The following PRSS38 variants were observed in gnomAD, a reference collection of about 807,000 sequenced individuals.
PRSS38 encodes serine protease 38, also known as marapsin 2.
In PRSS38, 22 loss-of-function variants were observed where a neutral mutation model predicts 26.8. The ratio of observed to expected loss-of-function variants is 0.82; its 90% CI spans 0.59 to 1.17. The LOEUF (loss-of-function observed/expected upper bound fraction) is 1.17, where lower values mean the gene tolerates loss of function less well. Among genes scored for constraint, PRSS38 ranks in the 50% most tolerant of loss-of-function variants. PRSS38 has a pLI of 0.00. For synonymous variants in PRSS38, 175 were observed against 172.1 expected (o/e 1.02, Z -0.13); for missense variants, 427 against 422.7 (o/e 1.01, Z -0.09).
intron 3 of PRSS38, among the ~76,000 whole-genome samples, chr1:227,834,066 A>G (rs1251126218): frequency 2.0e-5 from 3 of 152,174 alleles, no homozygotes; most frequent in African/African-American, 7.2e-5. Context: ...GTGATGACAG[A>G]GGCAGAGACT....
At chr1:227,845,376 A>G (rs1160598943) in intron 3 of PRSS38, 94 bp from the exon 4 acceptor site, 3 of 845,196 alleles carry the variant, frequency 3.5e-6, no homozygotes, top group East Asian at 2.6e-5. Flanking sequence ...GCTCCTCTCC[A>G]TGGGCTATCC....
chr1:227,843,271 A>G (rs1414886933), intron 3 of PRSS38, among the ~76,000 whole-genome samples: 1 of 152,226 alleles, frequency 6.6e-6, no homozygotes, highest in Non-Finnish European at 1.5e-5. Context: ...AGTAGCCCTC[A>G]TATTTATTTG....
In PRSS38 at chr1:227,816,343, C is replaced by G; in HGVS notation, c.311+91C>G. 1 of 1,375,266 alleles carries G rather than the reference C, an allele frequency of 7.3e-7. No homozygotes were observed. The highest frequency in any genetic ancestry group is 1.0e-6 in the Non-Finnish European group (1 of 998,728). 85.2% of individuals were successfully genotyped at this position (1,375,266 alleles called of 1,614,324 possible). ...GGATGGACCCCACGCAAGCCTCCCCCATCACCATTGTCGACTCCCTTCACC... is the reference window on the plus strand; with the variant it reads ...GGATGGACCCCACGCAAGCCTCCCCGATCACCATTGTCGACTCCCTTCACC... On this transcript the variant is annotated intron_variant, in intron 2 of 4. Coordinates refer to ENST00000366757, the Ensembl canonical transcript of PRSS38. The surrounding 1 kb of genome is among the most constrained non-coding windows in gnomAD (Gnocchi z 5.1).
intron 3 of PRSS38, among the ~76,000 whole-genome samples, chr1:227,833,266 A>G (rs4638126): frequency 0.95 from 144,441 of 152,272 alleles, 68,586 homozygotes; most frequent in East Asian, 1. Context: ...AGTAGCTCAC[A>G]CCTGTAATCC....
chr1:227,815,966 C>T, intron 1 of PRSS38, 102 bp downstream of exon 1: 2 of 1,500,388 alleles, frequency 1.3e-6, no homozygotes, highest in East Asian at 2.3e-5. Context: ...CATCCCTTCC[C>T]CTCCCCCATG....
chr1:227,817,483 A>G lies in PRSS38; in HGVS notation c.583+3A>G. On this transcript the variant is annotated splice_donor_region_variant and intron_variant, in intron 3 of 4. Coordinates refer to ENST00000366757, the Ensembl canonical transcript of PRSS38. The stretch of plus-strand genomic sequence containing the variant: ...ATGGGGACTAGTCTCAAAACAAGGT[A>G]GGAATACAGTGCAGGGCTTTGTGGG... 1.2e-6 allele frequency: 2 copies of G among 1,614,144 alleles called. No homozygotes were observed. Among genetic ancestry groups the G allele is most frequent in the Non-Finnish European group, 1.7e-6 (2 of 1,179,990 alleles).
exon 4 of PRSS38, chr1:227,845,568 A>G (rs756897903): frequency 6.2e-7 from 1 of 1,613,750 alleles, no homozygotes; most frequent in East Asian, 2.2e-5. Flanking sequence ...CATGCCCGAC[A>G]TGCTGTGTGC....
chr1:227,845,972 C>A, exon 5 of PRSS38: 1 of 1,614,164 alleles, frequency 6.2e-7, no homozygotes, highest in Non-Finnish European at 8.5e-7. Context: ...CGGGGGCCCA[C>A]TTGTCTGTGA....
chr1:227,828,553 A>T (rs1033330907), intron 3 of PRSS38, among the ~76,000 whole-genome samples: 11 of 152,196 alleles, frequency 7.2e-5, no homozygotes, highest in Admixed American at 2.0e-4. Flanking sequence ...AATCTGCTTA[A>T]GAAGGACCAA....
At chr1:227,827,618 A>AT (rs1221730018) in intron 3 of PRSS38, among the ~76,000 whole-genome samples, 3,122 of 139,962 alleles carry the variant, frequency 0.022, 104 homozygotes, top group African/African-American at 0.074. Context: ...TATCTTATTA[A>AT]TTTTTTTTTT....
intron 3 of PRSS38, among the ~76,000 whole-genome samples, chr1:227,837,675 G>A (rs974604942): frequency 5.3e-5 from 8 of 152,158 alleles, no homozygotes; most frequent in Admixed American, 3.3e-4. Flanking sequence ...TGCCAAACAC[G>A]TTTCTAAAGT....
chr1:227,835,135 TC>T (rs1665220548), intron 3 of PRSS38, among the ~76,000 whole-genome samples: 1 of 152,202 alleles, frequency 6.6e-6, no homozygotes, highest in Non-Finnish European at 1.5e-5. Context: ...CAGCATCCAT[TC>T]ATCCCTCGCC....
intron 2 of PRSS38, 59 bp from the exon 3 acceptor site, chr1:227,817,150 C>A: frequency 6.4e-7 from 1 of 1,568,712 alleles, no homozygotes; most frequent in South Asian, 1.2e-5. Flanking sequence ...CCTCCCCAGG[C>A]CTGTGGGCTG....
At chr1:227,829,918 G>C (rs1665127803) in intron 3 of PRSS38, among the ~76,000 whole-genome samples, 1 of 152,164 alleles carries the variant, frequency 6.6e-6, no homozygotes, top group Non-Finnish European at 1.5e-5. Context: ...TCACCATCAA[G>C]AATGATGTGA....
At position 227,816,160 on chromosome 1, in the gene PRSS38, G is replaced by T; in HGVS notation, c.219G>T (p.Trp73Cys). 1 of 1,613,644 alleles carries T rather than the reference G, an allele frequency of 6.2e-7. No homozygotes were observed. Among genetic ancestry groups the T allele is most frequent in the South Asian group, 1.1e-5 (1 of 91,080 alleles). The change falls in exon 2 of 5, where the codon TGG (tryptophan) becomes TGT (cysteine). Residue 73 changes from tryptophan to cysteine, a missense_variant. Transcript: ENST00000366757. This position sits in a 1 kb window ranked among gnomAD's most constrained non-coding sequence, Gnocchi z 5.1. ...CTGCGCCCGAGAGGAAGTGGCCGTG[G>T]CAGGTCAGCGTGCACTACGCAGGCC...
rs1330031317 is a variant in PRSS38, at chr1:227,816,891, G to C, written c.312-318G>C. On this transcript the variant is annotated intron_variant, in intron 2 of 4. Transcript: ENST00000366757. The surrounding 1 kb of genome is among the most constrained non-coding windows in gnomAD (Gnocchi z 5.1). Reference sequence around the variant, plus strand: ...CGCACAGCAGGCACGCCTCTCCTGTGGCCATCTGGCCTCCAGAGGGATGTG... The same window carrying C: ...CGCACAGCAGGCACGCCTCTCCTGTCGCCATCTGGCCTCCAGAGGGATGTG... Among the ~76,000 whole-genome samples, 1 of 152,242 alleles carries C rather than the reference G, an allele frequency of 6.6e-6. No individual in the cohort carries two copies. Among genetic ancestry groups the C allele is most frequent in the Non-Finnish European group, 1.5e-5 (1 of 68,038 alleles).
At chr1:227,842,546 C>T (rs545165639) in intron 3 of PRSS38, among the ~76,000 whole-genome samples, 1 of 152,218 alleles carries the variant, frequency 6.6e-6, no homozygotes, top group Non-Finnish European at 1.5e-5. Context: ...GGCCCTGCCC[C>T]ATCTGGCCTT....
At chr1:227,824,342 G>A (rs1013394966) in intron 3 of PRSS38, among the ~76,000 whole-genome samples, 15 of 152,158 alleles carry the variant, frequency 9.9e-5, no homozygotes, top group Non-Finnish European at 1.6e-4. Context: ...CTGTTCCTGC[G>A]TTAGTTTGCT....
intron 3 of PRSS38, among the ~76,000 whole-genome samples, chr1:227,825,787 T>C (rs1348394138): frequency 2.0e-5 from 3 of 152,212 alleles, no homozygotes; most frequent in Admixed American, 2.0e-4. Flanking sequence ...TGTAGCCTTA[T>C]AGTATCATTT....
Sources: gnomAD v4.1 joint callset for allele counts (sites outside exome capture counted in the v4.1 genomes callset) on GRCh38, gnomAD v4.1.1 for gene constraint, Gnocchi (gnomAD v3.1) non-coding constraint, MANE v1.5 for transcripts, NCBI Gene and HGNC (gene_info 2026-07-23, HGNC 2026-07-21) for gene names.